Variants in LRRTM4 observed in about 807,000 individuals in gnomAD.
The protein encoded by LRRTM4 is leucine-rich repeat transmembrane neuronal protein 4.
A neutral mutation model predicts 47.6 loss-of-function variants in LRRTM4; 25 were observed. That is an observed-to-expected ratio of 0.53 (90% CI 0.38 to 0.73). The LOEUF is 0.73. Among genes scored for constraint, LRRTM4 ranks in the 30% least tolerant of loss-of-function variants. The probability of loss-of-function intolerance (pLI) is 0.00; values close to 1 mark genes in which losing one functional copy is unlikely to be tolerated. For synonymous variants in LRRTM4, 311 were observed against 269.5 expected (o/e 1.15, Z -1.51); for missense variants, 638 against 713.4 (o/e 0.89, Z 1.20).
At chr2:76,797,862 A>G (rs1675433670) in intron 3 of LRRTM4, among the ~76,000 whole-genome samples, 1 of 151,804 alleles carries the variant, frequency 6.6e-6, no homozygotes, top group East Asian at 1.9e-4. Flanking sequence ...ATCAAAAGAG[A>G]CAGTGAAGGC....
At chr2:76,886,548 T>C (rs144676210) in intron 3 of LRRTM4, among the ~76,000 whole-genome samples, 13 of 152,016 alleles carry the variant, frequency 8.6e-5, no homozygotes, top group African/African-American at 2.4e-4. Context: ...AAAAGAGATA[T>C]ATATTTACTT....
chr2:77,088,083 G>A (rs1277842269), intron 3 of LRRTM4, among the ~76,000 whole-genome samples: 1 of 152,184 alleles, frequency 6.6e-6, no homozygotes, highest in African/African-American at 2.4e-5. Flanking sequence ...ACAGCTTCAT[G>A]TCAAGTTAAA....
At chr2:77,321,108 A>G (rs757783204) in intron 3 of LRRTM4, among the ~76,000 whole-genome samples, 1 of 152,160 alleles carries the variant, frequency 6.6e-6, no homozygotes, top group East Asian at 1.9e-4. Flanking sequence ...AAGTAAACTC[A>G]TAACTTTATT....
intron 3 of LRRTM4, among the ~76,000 whole-genome samples, chr2:77,397,414 G>A (rs1673746616): frequency 6.6e-6 from 1 of 151,864 alleles, no homozygotes; most frequent in African/African-American, 2.4e-5. Flanking sequence ...TCAGCAGATA[G>A]TGAATCAGTG....
At chr2:76,815,053 T>TCA (rs1278780948) in intron 3 of LRRTM4, among the ~76,000 whole-genome samples, 2 of 152,016 alleles carry the variant, frequency 1.3e-5, no homozygotes, top group African/African-American at 4.8e-5. Context: ...GGAGAGAGCT[T>TCA]CACTGTGCTT....
At chr2:76,962,845 CATTAA>C (rs1485329046) in intron 3 of LRRTM4, among the ~76,000 whole-genome samples, 3 of 150,570 alleles carry the variant, frequency 2.0e-5, no homozygotes, top group Non-Finnish European at 4.5e-5. Flanking sequence ...ATTTCCAGAG[CATTAA>C]AAAGATGCTA....
intron 3 of LRRTM4, among the ~76,000 whole-genome samples, chr2:77,314,690 A>G (rs756242629): frequency 6.6e-6 from 1 of 152,232 alleles, no homozygotes; most frequent in Non-Finnish European, 1.5e-5. Flanking sequence ...TTAGAGGATT[A>G]CATGCAAATT....
intron 3 of LRRTM4, among the ~76,000 whole-genome samples, chr2:76,894,162 A>G (rs1443674704): frequency 1.3e-5 from 2 of 152,000 alleles, no homozygotes; most frequent in African/African-American, 2.4e-5. Flanking sequence ...AAAATTTTTT[A>G]TTCTCTAAAA....
Position 77,457,077 on chromosome 2 carries a change from C to G in LRRTM4, c.1551+61241G>C, listed in dbSNP as rs550836885. On this transcript the variant is annotated intron_variant, in intron 3 of 3. Transcript: ENST00000409884. Reference sequence around the variant, plus strand: ...GTATAACCTGGAACTCTTTGACAAGCCTTTGCTTCACTTCTCTTGGTGATT... The same window carrying G: ...GTATAACCTGGAACTCTTTGACAAGGCTTTGCTTCACTTCTCTTGGTGATT... 5.2e-5 allele frequency among the ~76,000 whole-genome samples: 7 copies of G among 133,602 alleles called. No homozygotes were observed. In the South Asian group the frequency reaches 1.0e-3, roughly 20 times the overall value. 87.6% of individuals were successfully genotyped at this position (133,602 alleles called of 152,430 possible).
intron 3 of LRRTM4, among the ~76,000 whole-genome samples, chr2:76,839,767 TA>T (rs1192971619): frequency 6.6e-6 from 1 of 152,180 alleles, no homozygotes; most frequent in Non-Finnish European, 1.5e-5. Flanking sequence ...CTAATACTTT[TA>T]AAGAATTTAG....
intron 3 of LRRTM4, among the ~76,000 whole-genome samples, chr2:77,412,545 A>G (rs1230106851): frequency 6.6e-6 from 1 of 152,192 alleles, no homozygotes; most frequent in Admixed American, 6.5e-5. Flanking sequence ...GTAAAAAGGA[A>G]ATGCGGCTGC....
At chr2:77,082,280 C>A (rs1056298036) in intron 3 of LRRTM4, among the ~76,000 whole-genome samples, 1 of 151,956 alleles carries the variant, frequency 6.6e-6, no homozygotes, top group African/African-American at 2.4e-5. Context: ...TATTAATTCA[C>A]GAACAATTTT....
chr2:77,247,756 T>C (rs1675487548), intron 3 of LRRTM4, among the ~76,000 whole-genome samples: 1 of 151,982 alleles, frequency 6.6e-6, no homozygotes, highest in Non-Finnish European at 1.5e-5. Context: ...TAGGAAACAC[T>C]AAAGAAAAAC....
At chr2:77,204,964 G>A (rs953815058) in intron 3 of LRRTM4, among the ~76,000 whole-genome samples, 6 of 152,182 alleles carry the variant, frequency 3.9e-5, no homozygotes, top group Non-Finnish European at 7.4e-5. Flanking sequence ...TAATGTGGAA[G>A]TATTACCAAG....
At chr2:76,950,958 C>G (rs973558138) in intron 3 of LRRTM4, among the ~76,000 whole-genome samples, 4 of 152,094 alleles carry the variant, frequency 2.6e-5, no homozygotes, top group Admixed American at 2.6e-4. Flanking sequence ...TCCTTCATTT[C>G]AACACTTTGG....
At chr2:77,190,570 G>T (rs1024944302) in intron 3 of LRRTM4, among the ~76,000 whole-genome samples, 3 of 151,988 alleles carry the variant, frequency 2.0e-5, no homozygotes, top group African/African-American at 7.2e-5. Context: ...AAAGTGCTTG[G>T]ATTACAGACG....
intron 3 of LRRTM4, among the ~76,000 whole-genome samples, chr2:76,890,773 T>A (rs1673226014): frequency 6.6e-6 from 1 of 151,890 alleles, no homozygotes. Flanking sequence ...GGAAAGAGAA[T>A]GCTACAAAGT....
At chr2:77,092,936 T>C (rs550486834) in intron 3 of LRRTM4, among the ~76,000 whole-genome samples, 2 of 148,236 alleles carry the variant, frequency 1.3e-5, no homozygotes, top group South Asian at 4.2e-4. Flanking sequence ...AGCCACCAAC[T>C]TAAAAAGGAC....
chr2:77,044,625 G>A (rs1444275905), intron 3 of LRRTM4, among the ~76,000 whole-genome samples: 2 of 149,682 alleles, frequency 1.3e-5, no homozygotes, highest in Non-Finnish European at 3.0e-5. Context: ...GATTTTTTTT[G>A]GCTATATATA....
Sources: gnomAD v4.1 joint callset for allele counts (sites outside exome capture counted in the v4.1 genomes callset) on GRCh38, gnomAD v4.1.1 for gene constraint, MANE v1.5 for transcripts, NCBI Gene and HGNC (gene_info 2026-07-23, HGNC 2026-07-21) for gene names.